TLN2: variants seen among roughly 807,000 people sequenced by gnomAD.
The protein encoded by TLN2 is talin-2.
A neutral mutation model predicts 294.7 loss-of-function variants in TLN2; 118 were observed. The observed-to-expected ratio is 0.40, with a 90% confidence interval of 0.34 to 0.47. The LOEUF is 0.47. TLN2 is among the 20% of genes least tolerant of loss of function. The probability of loss-of-function intolerance (pLI) is 0.84; values close to 1 mark genes in which losing one functional copy is unlikely to be tolerated. For synonymous variants in TLN2, 1,431 were observed against 1,304.5 expected (o/e 1.10, Z -2.09); for missense variants, 3,083 against 3,282.2 (o/e 0.94, Z 1.48).
chr15:62,800,595 A>G (rs2065868048), intron 49 of TLN2, 58 bp from the exon 50 acceptor site: 1 of 1,610,408 alleles, frequency 6.2e-7, no homozygotes, highest in Non-Finnish European at 8.5e-7. Flanking sequence ...AAGTAAAAGG[A>G]GTAGGGGCTG....
In TLN2 at chr15:62,702,748, T is replaced by G; in HGVS notation, c.1906-18T>G. 3 of 1,612,396 alleles carry G rather than the reference T, an allele frequency of 1.9e-6. No homozygotes were observed. The East Asian group carries it at 6.7e-5, about 36-fold the overall frequency. Reference sequence around the variant, plus strand: ...AAATGCGTTTTCTTTCCAATTAAGGTGTGTTGTTTGTTCACAGCCTCGACA... The same window carrying G: ...AAATGCGTTTTCTTTCCAATTAAGGGGTGTTGTTTGTTCACAGCCTCGACA... On this transcript the variant is annotated intron_variant, in intron 18 of 58. Coordinates refer to ENST00000636159, the MANE Select transcript of TLN2 (RefSeq NM_015059.3).
chr15:62,411,165 A>G (rs1416109929), intron 1 of TLN2, among the ~76,000 whole-genome samples: 1 of 152,172 alleles, frequency 6.6e-6, no homozygotes, highest in Non-Finnish European at 1.5e-5. Flanking sequence ...CATTAAAACA[A>G]ACCAAAGAGG....
chr15:62,764,593 A>G (rs1171144926), intron 40 of TLN2, among the ~76,000 whole-genome samples: 4 of 152,198 alleles, frequency 2.6e-5, no homozygotes, highest in South Asian at 2.1e-4. Context: ...ATATGCATGC[A>G]GATAAGGGTA....
chr15:62,616,315 C>A (rs2048313216), intron 2 of TLN2, among the ~76,000 whole-genome samples: 1 of 152,290 alleles, frequency 6.6e-6, no homozygotes, highest in East Asian at 1.9e-4. Context: ...TTTATTTGTC[C>A]TGTAGAGCCC....
Position 62,833,660 on chromosome 15 carries a change from ACT to A in TLN2, c.7128+33_7128+34del, listed in dbSNP as rs754504223. On this transcript the variant is annotated intron_variant, in intron 55 of 58. Coordinates refer to ENST00000636159, the MANE Select transcript of TLN2 (RefSeq NM_015059.3). ...TAAAGCCGCTGACCACATGCGGGAC[ACT>A]CAACGTACGAGAGCCTCAGGGGGCC... 1.7e-5 allele frequency: 28 copies of A among 1,607,748 alleles called. No individual in the cohort carries two copies. The South Asian group carries it at 3.1e-4, about 18-fold the overall frequency.
intron 12 of TLN2, among the ~76,000 whole-genome samples, chr15:62,687,007 C>G (rs1214782613): frequency 6.6e-6 from 1 of 152,206 alleles, no homozygotes; most frequent in Non-Finnish European, 1.5e-5. Flanking sequence ...TCAGGCACTA[C>G]TGCTTCTCTG....
intron 1 of TLN2, among the ~76,000 whole-genome samples, chr15:62,499,277 C>T (rs567600929): frequency 1.6e-4 from 25 of 152,114 alleles, no homozygotes; most frequent in East Asian, 7.7e-4. Flanking sequence ...GGCAAAACCC[C>T]GTGTCTACCA....
intron 42 of TLN2, among the ~76,000 whole-genome samples, chr15:62,772,756 G>A (rs1404798423): frequency 1.3e-5 from 2 of 151,784 alleles, no homozygotes; most frequent in African/African-American, 4.8e-5. Flanking sequence ...TCCGCGTCCC[G>A]GGTTCAAGTG....
intron 1 of TLN2, among the ~76,000 whole-genome samples, chr15:62,451,620 C>T (rs575344653): frequency 2.6e-5 from 4 of 152,204 alleles, no homozygotes; most frequent in African/African-American, 4.8e-5. Context: ...TGTGCCATTG[C>T]GATCCAGCCT....
chr15:62,674,511 AT>A lies in TLN2; in HGVS notation c.852+635del, dbSNP rs11394714. ...TTTACCCTATTCTATGGAAAACGAT[AT>A]TTTTTTTTTTTTTGAGACAGAGCCA... On this transcript the variant is annotated intron_variant, in intron 10 of 58. Coordinates refer to ENST00000636159, the MANE Select transcript of TLN2 (RefSeq NM_015059.3). Among the ~76,000 whole-genome samples, 309 of 143,448 alleles carry A rather than the reference AT, an allele frequency of 2.2e-3. 1 individual carries two copies. Among genetic ancestry groups the A allele is most frequent in the African/African-American group, 7.4e-3 (290 of 39,134 alleles). 94.1% of individuals were successfully genotyped at this position (143,448 alleles called of 152,430 possible). A position where few individuals can be genotyped will look rare whatever the true frequency, so the allele number is the denominator to read the frequency against.
rs759137070 is a variant in TLN2 at position 62,650,121 on chromosome 15, G to A, written c.174G>A (p.Pro58=). 22 of 1,613,950 alleles carry A rather than the reference G, an allele frequency of 1.4e-5. No individual in the cohort carries two copies. The highest frequency in any genetic ancestry group is 1.6e-4 in the Middle Eastern group (1 of 6,084). The part of the protein sequence containing the change: ...DYGLFLSDED[P]RKGIWLEAGR... ...GACTCTTTCTTTCGGATGAAGACCC[G>A]AGGAAAGGGATTTGGCTGGAAGCGG... The change falls in exon 5 of 59, where the codon CCG becomes CCA. Residue 58 remains proline (P), a synonymous_variant. Transcript: ENST00000636159.
intron 1 of TLN2, among the ~76,000 whole-genome samples, chr15:62,398,435 C>A (rs1045437121): frequency 1.3e-5 from 2 of 151,948 alleles, no homozygotes; most frequent in Non-Finnish European, 2.9e-5. Context: ...AAATTGGTAC[C>A]GCAGAGAGTG....
At chr15:62,649,714 C>A (rs2052368861) in intron 4 of TLN2, among the ~76,000 whole-genome samples, 1 of 152,128 alleles carries the variant, frequency 6.6e-6, no homozygotes, top group Non-Finnish European at 1.5e-5. Context: ...CTTAGTTTCT[C>A]CCCCGCTGTC....
intron 1 of TLN2, among the ~76,000 whole-genome samples, chr15:62,456,420 G>C (rs78205844): frequency 0.035 from 5,366 of 152,292 alleles, 122 homozygotes; most frequent in Non-Finnish European, 0.053. Context: ...TTAAAATGCA[G>C]GGCTGGACCT....
rs374521039 is a variant in TLN2 at position 62,797,271 on chromosome 15, G to T, written c.6103G>T (p.Val2035Leu). The change falls in exon 48 of 59, where the codon GTG (valine) becomes TTG (leucine). Residue 2035 changes from valine (V) to leucine (L), a missense_variant. By Grantham distance (32) the Val-to-Leu change is conservative. Coordinates refer to ENST00000636159, the MANE Select transcript of TLN2 (RefSeq NM_015059.3). ...CTTGGTAGAAGACACGAAACTACTT[G>T]TGTCAGGAGCTGCGTCCACTCCTGA... ...KALVEDTKLL[V>L]SGAASTPDKL... 22 of 1,613,884 alleles carry T rather than the reference G, an allele frequency of 1.4e-5. No homozygotes were observed. Among genetic ancestry groups the T allele is most frequent in the African/African-American group, 2.7e-5 (2 of 74,916 alleles).
chr15:62,519,150 G>T (rs1254671021), intron 1 of TLN2, among the ~76,000 whole-genome samples: 1 of 152,204 alleles, frequency 6.6e-6, no homozygotes, highest in Non-Finnish European at 1.5e-5. Context: ...TATGAAGGTG[G>T]AGTCCACAGT....
intron 41 of TLN2, among the ~76,000 whole-genome samples, chr15:62,769,485 G>T (rs1461709044): frequency 6.6e-6 from 1 of 152,154 alleles, no homozygotes; most frequent in Non-Finnish European, 1.5e-5. Context: ...GCTCCCTAAG[G>T]GCCGGGAACA....
chr15:62,588,675 T>C (rs569735986), intron 1 of TLN2, among the ~76,000 whole-genome samples: 7 of 87,402 alleles, frequency 8.0e-5, no homozygotes, highest in Non-Finnish European at 1.3e-4. Context: ...CATATATATA[T>C]ATATATATAT....
Position 62,702,758 on chromosome 15 carries a change from G to A in TLN2, c.1906-8G>A. 2 of 1,614,064 alleles carry A rather than the reference G, an allele frequency of 1.2e-6. No individual in the cohort carries two copies. The highest frequency in any genetic ancestry group is 1.7e-6 in the Non-Finnish European group (2 of 1,179,930). ...TCTTTCCAATTAAGGTGTGTTGTTT[G>A]TTCACAGCCTCGACAGACAGTTTTG... On this transcript the variant is annotated splice_region_variant and splice_polypyrimidine_tract_variant and intron_variant, in intron 18 of 58. Coordinates refer to ENST00000636159, the MANE Select transcript of TLN2 (RefSeq NM_015059.3).
Sources: allele counts gnomAD v4.1 joint callset (sites outside exome capture counted in the v4.1 genomes callset), GRCh38; gene constraint gnomAD v4.1.1; transcripts MANE v1.5; gene names NCBI Gene and HGNC (gene_info 2026-07-23, HGNC 2026-07-21).